ESYT3: variants seen among roughly 807,000 people sequenced by gnomAD.
ESYT3 encodes the protein extended synaptotagmin-3.
ESYT3 carries 101 observed loss-of-function variants against 111.5 expected under a neutral mutation model. That is an observed-to-expected ratio of 0.91 (90% CI 0.77 to 1.07). ESYT3 has a LOEUF of 1.07. ESYT3 is among the 50% of genes least tolerant of loss of function. The probability of loss-of-function intolerance (pLI) is 0.00; values close to 1 mark genes in which losing one functional copy is unlikely to be tolerated. For missense variants in ESYT3, 1,097 were observed against 1,109.4 expected (o/e 0.99, Z 0.16); for synonymous variants, 416 against 446.8 (o/e 0.93, Z 0.87).
chr3:138,469,670 A>G (rs1167734589), intron 15 of ESYT3, among the ~76,000 whole-genome samples, 166 bp downstream of exon 15: 2 of 152,200 alleles, frequency 1.3e-5, no homozygotes, highest in African/African-American at 2.4e-5. Flanking sequence ...TAATTCAAGA[A>G]TCTGAGGATC....
intron 16 of ESYT3, 181 bp from the exon 17 acceptor site, chr3:138,470,689 TATCTTCC>T: frequency 2.1e-6 from 3 of 1,417,874 alleles, no homozygotes; most frequent in Non-Finnish European, 2.8e-6. Flanking sequence ...TCTGAGTCAC[TATCTTCC>T]CTGACAGAAG....
chr3:138,464,120 G>C (rs2032796178), intron 8 of ESYT3, among the ~76,000 whole-genome samples: 1 of 152,252 alleles, frequency 6.6e-6, no homozygotes, highest in South Asian at 2.1e-4. Flanking sequence ...CAGGGAGTGT[G>C]GAGGCCAGGG....
rs1201194411 is a variant in ESYT3 at position 138,472,621 on chromosome 3, A to T, written c.1999A>T (p.Lys667Ter). 2 of 1,614,126 alleles carry T rather than the reference A, an allele frequency of 1.2e-6. No individual in the cohort carries two copies. The highest frequency in any genetic ancestry group is 1.7e-6 in the Non-Finnish European group (2 of 1,180,052). ...PTSQETGPEP[K>*]GKDSAKRFCE... ...ATCCCAAGAGACAGGCCCAGAGCCT[A>T]AAGGCAAGGACAGTGCCAAAAGGTT... is the stretch of plus-strand genomic sequence containing the variant. Residue 667 changes from lysine (K) to a stop codon, truncating the protein, a stop_gained, in exon 18 of 23, where the codon AAA becomes TAA. Coordinates refer to ENST00000389567, the MANE Select transcript of ESYT3 (RefSeq NM_031913.5). LOFTEE classifies it high-confidence loss of function.
Position 138,477,946 on chromosome 3 carries a change from T to C in ESYT3, c.*1092T>C, listed in dbSNP as rs2033562310. 6.6e-6 allele frequency: 1 copy of C among 152,230 alleles called. No individual in the cohort carries two copies. The highest frequency in any genetic ancestry group is 2.4e-5 in the African/African-American group (1 of 41,462). The allele number at this position is 152,230 out of a possible 1,614,324, so 9.4% of individuals were successfully genotyped here. A position where few individuals can be genotyped will look rare whatever the true frequency, so the allele number is the denominator to read the frequency against. On this transcript the variant is annotated 3_prime_UTR_variant, in exon 23 of 23. Coordinates refer to ENST00000389567, the MANE Select transcript of ESYT3 (RefSeq NM_031913.5). ...GAACAAAGTTTTGTCATGTTACTCT[T>C]ATTCCAGTTTCCTGCCATCTGATTC...
chr3:138,469,615 C>G lies in ESYT3; in HGVS notation c.1503+111C>G, dbSNP rs1273200920. On this transcript the variant is annotated intron_variant, in intron 15 of 22. Transcript: ENST00000389567. ...ACTTATGGTGAATGCCTAGTAGGCACTTGATGTTATTTAGTCTTCAGAATA... is the reference window on the plus strand; with the variant it reads ...ACTTATGGTGAATGCCTAGTAGGCAGTTGATGTTATTTAGTCTTCAGAATA... The G allele has an allele frequency of 5.1e-6, 4 of 788,250 alleles. No individual in the cohort carries two copies. In the Admixed American group the frequency reaches 9.1e-5, roughly 18 times the overall value. 48.8% of individuals were successfully genotyped at this position (788,250 alleles called of 1,614,324 possible).
chr3:138,457,086 T>C (rs143056150), intron 3 of ESYT3, among the ~76,000 whole-genome samples: 223 of 152,228 alleles, frequency 1.5e-3, no homozygotes, highest in African/African-American at 5.2e-3. Context: ...GGCCAGGACC[T>C]AGTGCGCTCA....
At position 138,479,743 on chromosome 3, in the gene ESYT3, G is replaced by C. The variant is rs796358257; in HGVS notation, c.*2889G>C. 2.3e-4 allele frequency: 35 copies of C among 152,296 alleles called. No individual in the cohort carries two copies. Among genetic ancestry groups the C allele is most frequent in the African/African-American group, 8.4e-4 (35 of 41,546 alleles). 9.4% of individuals were successfully genotyped at this position (152,296 alleles called of 1,614,324 possible). ...CACAAGTGGGTTGCATGGTCCTATG[G>C]CTGCCAGCGGAAATCTAAATCTCAG... On this transcript the variant is annotated 3_prime_UTR_variant, in exon 23 of 23. Coordinates refer to ENST00000389567, the MANE Select transcript of ESYT3 (RefSeq NM_031913.5).
intron 1 of ESYT3, among the ~76,000 whole-genome samples, chr3:138,450,220 C>G (rs1366493774): frequency 6.6e-6 from 1 of 152,218 alleles, no homozygotes. Flanking sequence ...GAGGCCATGA[C>G]ATGAGCTGGG....
At position 138,438,091 on chromosome 3, in the gene ESYT3, G is replaced by A. The variant is rs201533847; in HGVS notation, c.327+2966G>A. 4.0e-4 allele frequency among the ~76,000 whole-genome samples: 61 copies of A among 152,332 alleles called. 1 individual carries two copies. In the East Asian group the frequency reaches 6.2e-3, roughly 15 times the overall value. On this transcript the variant is annotated intron_variant, in intron 1 of 22. Coordinates refer to ENST00000389567, the MANE Select transcript of ESYT3 (RefSeq NM_031913.5). ...GGCAAAGAGAGACAGGGCTCTGGGC[G>A]TGGTGGGGGCAGCACGGCCCCTTGC...
At chr3:138,473,459 CTTCT>C (rs2033335048) in intron 18 of ESYT3, 73 bp from the exon 19 acceptor site, 1 of 1,290,252 alleles carries the variant, frequency 7.8e-7, no homozygotes, top group African/African-American at 1.5e-5. Context: ...AGCAGGAATG[CTTCT>C]TTGTCTTTGG....
At position 138,469,461 on chromosome 3, in the gene ESYT3, C is replaced by T; in HGVS notation, c.1460C>T (p.Ser487Phe). The stretch of plus-strand genomic sequence containing the variant: ...AACAAGGTCAGCAAAGACCCTTCTT[C>T]CTATGTCAAACTATCTGTAGGCAAG... ...ARNKVSKDPSSYVKLSVGKKT... is the reference protein window; with the variant it reads ...ARNKVSKDPSFYVKLSVGKKT... The change falls in exon 15 of 23, where the codon TCC (serine) becomes TTC (phenylalanine). Residue 487 changes from serine (S) to phenylalanine (F), a missense_variant. By Grantham distance (155) the Ser-to-Phe change is radical (BLOSUM62 -2). Coordinates refer to ENST00000389567, the MANE Select transcript of ESYT3 (RefSeq NM_031913.5). 1 of 1,614,052 alleles carries T rather than the reference C, an allele frequency of 6.2e-7. No individual in the cohort carries two copies. The highest frequency in any genetic ancestry group is 8.5e-7 in the Non-Finnish European group (1 of 1,179,964).
intron 1 of ESYT3, among the ~76,000 whole-genome samples, chr3:138,450,177 T>C (rs539554304): frequency 6.6e-6 from 1 of 152,180 alleles, no homozygotes; most frequent in Admixed American, 6.5e-5. Flanking sequence ...GTAAAGGTGG[T>C]TGGATTGAAA....
chr3:138,469,284 A>G, intron 14 of ESYT3, 152 bp from the exon 15 acceptor site: 1 of 677,724 alleles, frequency 1.5e-6, no homozygotes, highest in East Asian at 2.6e-5. Flanking sequence ...ATGACAGCCC[A>G]GGGGGACTGG....
intron 17 of ESYT3, among the ~76,000 whole-genome samples, chr3:138,471,922 T>A (rs2033239858): frequency 6.6e-6 from 1 of 152,206 alleles, no homozygotes; most frequent in African/African-American, 2.4e-5. Context: ...GGCAAACACA[T>A]GTTCTTGTCA....
rs1406779360 is a variant in ESYT3 at position 138,435,096 on chromosome 3, G to T, written c.298G>T (p.Glu100Ter). The T allele has an allele frequency of 4.4e-6, 7 of 1,589,334 alleles. No individual in the cohort carries two copies. Among genetic ancestry groups the T allele is most frequent in the Non-Finnish European group, 6.0e-6 (7 of 1,170,554 alleles). Reference protein sequence around the residue: ...LDNEREFISRELRGQHLPAWI... With the variant: ...LDNEREFISR Reference sequence around the variant, plus strand: ...CAATGAACGCGAGTTCATCAGCCGCGAGCTGCGGGGCCAGCACCTGCCAGC... The same window carrying T: ...CAATGAACGCGAGTTCATCAGCCGCTAGCTGCGGGGCCAGCACCTGCCAGC... The change falls in exon 1 of 23, where the codon GAG becomes TAG. Residue 100 changes from glutamate to a stop codon, truncating the protein, a stop_gained. Coordinates refer to ENST00000389567, the MANE Select transcript of ESYT3 (RefSeq NM_031913.5). LOFTEE classifies it high-confidence loss of function. This position sits in a 1 kb window ranked among gnomAD's most constrained non-coding sequence, Gnocchi z 4.8.
At chr3:138,470,753 A>T (rs1424802701) in intron 16 of ESYT3, 124 bp from the exon 17 acceptor site, 1 of 1,534,994 alleles carries the variant, frequency 6.5e-7, no homozygotes, top group Non-Finnish European at 8.7e-7. Flanking sequence ...TCAGAATAGG[A>T]CCAGATGCCC....
rs904210526 is a variant in ESYT3 at position 138,476,681 on chromosome 3, C to T, written c.2625-137C>T. ...TGTAAACTCTAGCCTTAACCCTGAA[C>T]CCTGGCTGGCCAACTTACAGAGAGA... is the stretch of plus-strand genomic sequence containing the variant. On this transcript the variant is annotated intron_variant, in intron 22 of 22. Transcript: ENST00000389567. 8.4e-6 allele frequency: 9 copies of T among 1,077,238 alleles called. No individual in the cohort carries two copies. The Admixed American group carries it at 1.5e-4, about 18-fold the overall frequency. The allele number at this position is 1,077,238 out of a possible 1,614,324, so 66.7% of individuals were successfully genotyped here. A position where few individuals can be genotyped will look rare whatever the true frequency, so the allele number is the denominator to read the frequency against.
chr3:138,469,212 T>C, intron 14 of ESYT3: 1 of 596,570 alleles, frequency 1.7e-6, no homozygotes. Context: ...CAGCTCTGGC[T>C]TCTGGTCTTT....
chr3:138,480,592 TATCA>T (rs137925688), downstream of ESYT3: 670 of 152,306 alleles, frequency 4.4e-3, 2 homozygotes, highest in African/African-American at 0.016. Flanking sequence ...TGCATAAAAA[TATCA>T]ATCTATATGA....
Sources: allele counts gnomAD v4.1 joint callset (sites outside exome capture counted in the v4.1 genomes callset), GRCh38; gene constraint gnomAD v4.1.1; non-coding constraint Gnocchi (gnomAD v3.1); transcripts MANE v1.5; gene names NCBI Gene and HGNC (gene_info 2026-07-23, HGNC 2026-07-21).